The following ABL1 variants were observed in gnomAD, a reference collection of about 807,000 sequenced individuals.
ABL1 encodes tyrosine-protein kinase ABL1.
In ABL1, 11 loss-of-function variants were observed where a neutral mutation model predicts 94.7. The ratio of observed to expected loss-of-function variants is 0.12; its 90% CI spans 0.07 to 0.19. The LOEUF (loss-of-function observed/expected upper bound fraction) is 0.19. ABL1 is among the 10% of genes least tolerant of loss of function. The probability of loss-of-function intolerance (pLI) is 1.00; values close to 1 mark genes in which losing one functional copy is unlikely to be tolerated. For synonymous variants in ABL1, 656 were observed against 622.4 expected (o/e 1.05, Z -0.80); for missense variants, 1,082 against 1,489.4 (o/e 0.73, Z 4.50).
At chr9:130,844,415 CTATT>C (rs1163434232) in intron 1 of ABL1, among the ~76,000 whole-genome samples, 4 of 152,076 alleles carry the variant, frequency 2.6e-5, no homozygotes, top group Admixed American at 6.5e-5. Flanking sequence ...AGTGGCATCT[CTATT>C]TATGAGTGTC....
intron 1 of ABL1, among the ~76,000 whole-genome samples, chr9:130,798,022 A>T (rs1830003449): frequency 6.6e-6 from 1 of 152,214 alleles, no homozygotes; most frequent in African/African-American, 2.4e-5. Context: ...CAGCTTCCAG[A>T]AGAAATAGTA....
At chr9:130,848,559 CTTTT>C (rs1420910905) in intron 1 of ABL1, among the ~76,000 whole-genome samples, 1 of 151,200 alleles carries the variant, frequency 6.6e-6, no homozygotes, top group Non-Finnish European at 1.5e-5. Context: ...TCTATTAAAG[CTTTT>C]TTATGTTTGT....
chr9:130,750,430 TCCCTCCCTC>T (rs1564278804), intron 1 of ABL1, among the ~76,000 whole-genome samples: 8 of 10,946 alleles, frequency 7.3e-4, no homozygotes, highest in Middle Eastern at 0.091. Context: ...CCTCCCTCCC[TCCCTCCCTC>T]CCTCCCTCCT....
intron 1 of ABL1, among the ~76,000 whole-genome samples, chr9:130,789,525 T>C (rs927051798): frequency 3.4e-5 from 5 of 148,956 alleles, no homozygotes; most frequent in South Asian, 4.2e-4. Flanking sequence ...AAAAAGGACA[T>C]ACACACACAC....
At chr9:130,741,476 C>T (rs1233838563) in intron 1 of ABL1, among the ~76,000 whole-genome samples, 5 of 150,972 alleles carry the variant, frequency 3.3e-5, no homozygotes, top group Non-Finnish European at 7.4e-5. Context: ...ACAATTATAG[C>T]ACTGGTATAC....
intron 1 of ABL1, among the ~76,000 whole-genome samples, chr9:130,721,506 C>A (rs539504308): frequency 6.6e-6 from 1 of 152,232 alleles, no homozygotes; most frequent in African/African-American, 2.4e-5. Context: ...CCCAGGAATT[C>A]AAGACCAGCC....
At chr9:130,857,448 TAGTAAATTC>T (rs747395880) in intron 3 of ABL1, among the ~76,000 whole-genome samples, 18 of 152,360 alleles carry the variant, frequency 1.2e-4, no homozygotes, top group Non-Finnish European at 2.2e-4. Context: ...TTATGCCATT[TAGTAAATTC>T]ATCTTTTTCC....
chr9:130,799,224 G>A (rs568987791), intron 1 of ABL1, among the ~76,000 whole-genome samples: 1 of 152,248 alleles, frequency 6.6e-6, no homozygotes, highest in East Asian at 1.9e-4. Context: ...TGCACCCATC[G>A]GAGATGCTCC....
chr9:130,766,308 G>T (rs1832182626), intron 1 of ABL1, among the ~76,000 whole-genome samples: 1 of 152,202 alleles, frequency 6.6e-6, no homozygotes. Context: ...CAGGACAGAT[G>T]CCTTACTGTA....
rs544155984 is a variant in ABL1 at position 130,798,308 on chromosome 9, A to C, written c.137-55756A>C. Among the ~76,000 whole-genome samples, 9 of 152,286 alleles carry C rather than the reference A, an allele frequency of 5.9e-5. No individual in the cohort carries two copies. The South Asian group carries it at 1.7e-3, about 28-fold the overall frequency. On this transcript the variant is annotated intron_variant, in intron 1 of 10. Coordinates refer to the ABL1 transcript ENST00000372348. Reference sequence around the variant, plus strand: ...GCTCTGCTTCTCAGAGTACAGTTTAATTTACTTTGTGGACATCATTAACAA... The same window carrying C: ...GCTCTGCTTCTCAGAGTACAGTTTACTTTACTTTGTGGACATCATTAACAA...
chr9:130,797,236 G>GGAAAAAAAAAAAA (rs1491324780), intron 1 of ABL1, among the ~76,000 whole-genome samples: 1 of 55,168 alleles, frequency 1.8e-5, no homozygotes, highest in African/African-American at 5.9e-5. Flanking sequence ...ACTCCATCTC[G>GGAAAAAAAAAAAA]AAAAAAAAAA....
chr9:130,848,360 A>C (rs1830806407), intron 1 of ABL1, among the ~76,000 whole-genome samples: 1 of 149,668 alleles, frequency 6.7e-6, no homozygotes, highest in Non-Finnish European at 1.5e-5. Context: ...AAAAAAAAAA[A>C]AAAAAAACTT....
intron 1 of ABL1, among the ~76,000 whole-genome samples, chr9:130,816,129 CCTT>C (rs1830283344): frequency 6.6e-6 from 1 of 152,170 alleles, no homozygotes; most frequent in Non-Finnish European, 1.5e-5. Flanking sequence ...CTTTTACACT[CCTT>C]CTTGCTGACT....
intron 1 of ABL1, among the ~76,000 whole-genome samples, chr9:130,728,383 T>C (rs148942451): frequency 2.8e-5 from 4 of 144,422 alleles, no homozygotes; most frequent in Non-Finnish European, 6.1e-5. Flanking sequence ...TTTTTTTTTT[T>C]CTTTTCTTTC....
chr9:130,786,520 C>T lies in ABL1; in HGVS notation c.137-67544C>T, dbSNP rs557337681. 5.9e-5 allele frequency among the ~76,000 whole-genome samples: 9 copies of T among 152,312 alleles called. No individual in the cohort carries two copies. The South Asian group carries it at 1.5e-3, about 25-fold the overall frequency. On this transcript the variant is annotated intron_variant, in intron 1 of 10. Transcript: ENST00000372348. ...TATTAAATTTTCCCTATTGAAATGA[C>T]TGGTGTGGTTTCTGTCTCCTGACTG...
At chr9:130,850,391 C>G (rs1398217330) in intron 1 of ABL1, among the ~76,000 whole-genome samples, 1 of 152,224 alleles carries the variant, frequency 6.6e-6, no homozygotes, top group Non-Finnish European at 1.5e-5. Flanking sequence ...TAGTGAATGG[C>G]TCTAAGTTCT....
intron 1 of ABL1, among the ~76,000 whole-genome samples, chr9:130,725,398 G>C (rs2132682082): frequency 6.6e-6 from 1 of 151,986 alleles, no homozygotes; most frequent in South Asian, 2.1e-4. Context: ...GTTTGTTTTT[G>C]AGACGGAGTT....
chr9:130,745,555 C>T (rs774420071), intron 1 of ABL1, among the ~76,000 whole-genome samples: 1 of 151,452 alleles, frequency 6.6e-6, no homozygotes, highest in African/African-American at 2.4e-5. Flanking sequence ...CTTGCATATT[C>T]TGGTCTATAA....
intron 1 of ABL1, among the ~76,000 whole-genome samples, chr9:130,793,576 G>T (rs75917101): frequency 6.6e-6 from 1 of 152,136 alleles, no homozygotes; most frequent in Non-Finnish European, 1.5e-5. Flanking sequence ...AAGCTGTGTC[G>T]TACATTTTGA....
Sources: gnomAD v4.1 joint callset for allele counts (sites outside exome capture counted in the v4.1 genomes callset) on GRCh38, gnomAD v4.1.1 for gene constraint, MANE v1.5 for transcripts, NCBI Gene and HGNC (gene_info 2026-07-23, HGNC 2026-07-21) for gene names.